Variants in PPWD1 observed in about 807,000 individuals in gnomAD.
PPWD1 encodes peptidylprolyl isomerase domain and WD repeat-containing protein 1.
PPWD1 carries 43 observed loss-of-function variants against 68.8 expected under a neutral mutation model. That is an observed-to-expected ratio of 0.62 (90% confidence interval 0.49 to 0.81). The LOEUF (loss-of-function observed/expected upper bound fraction) is 0.81, where lower values mean the gene tolerates loss of function less well. Among genes scored for constraint, PPWD1 ranks in the 30% least tolerant of loss-of-function variants. PPWD1 has a pLI of 0.00. For missense variants in PPWD1, 672 were observed against 804.8 expected, an observed-to-expected ratio of 0.83 and a Z score of 2.00; for synonymous variants, 232 against 258.7, an observed-to-expected ratio of 0.90 and a Z score of 0.99.
intron 7 of PPWD1, chr5:65,582,768 T>C (rs1753651339): frequency 8.1e-6 from 2 of 247,182 alleles, no homozygotes; most frequent in Admixed American, 5.4e-5. Flanking sequence ...TCTTGTTAAA[T>C]GTTTGCCCAA....
rs765938137 is a variant in PPWD1, at chr5:65,587,387, T to C, written c.1932T>C (p.Thr644=). 6 of 1,604,384 alleles carry C rather than the reference T, an allele frequency of 3.7e-6. No homozygotes were observed. The highest frequency in any genetic ancestry group is 4.3e-6 in the Non-Finnish European group (5 of 1,174,362). ...AGGATGTCAGCATCATAAATATTAC[T>C]GTCAAGTAAAATAAGATTTGTTTTA... ...PYEDVSIINI[T]VK The change falls in exon 11 of 11, where the codon ACT becomes ACC. Residue 644 remains threonine (T), a synonymous_variant. Transcript: ENST00000261308.
At position 65,574,877 on chromosome 5, in the gene PPWD1, G is replaced by A. The variant is rs372699520; in HGVS notation, c.970-2002G>A. ...CTGAGGTGACAAGAAGTCAGTAGTA[G>A]AACTTAAGACAGAAGTGGAGATTCA... On this transcript the variant is annotated intron_variant, in intron 5 of 10. Transcript: ENST00000261308. Among the ~76,000 whole-genome samples the A allele has an allele frequency of 1.9e-3, 291 of 152,356 alleles. 2 individuals carry two copies. The highest frequency in any genetic ancestry group is 6.7e-3 in the African/African-American group (280 of 41,586).
At chr5:65,586,320 C>T in intron 10 of PPWD1, 139 bp downstream of exon 10, 1 of 888,416 alleles carries the variant, frequency 1.1e-6, no homozygotes, top group South Asian at 2.7e-5. Flanking sequence ...TGAAAATGAT[C>T]AAGAATATAA....
intron 9 of PPWD1, 104 bp downstream of exon 9, chr5:65,585,199 G>A (rs1753782046): frequency 8.5e-7 from 1 of 1,172,018 alleles, no homozygotes; most frequent in South Asian, 1.5e-5. Flanking sequence ...TCAGTTTAGT[G>A]GAAAGGAACA....
intron 5 of PPWD1, among the ~76,000 whole-genome samples, chr5:65,574,214 A>G (rs1192305584): frequency 1.3e-5 from 2 of 152,026 alleles, no homozygotes; most frequent in Admixed American, 1.3e-4. Flanking sequence ...GACAAATGTG[A>G]AGATCTGTTT....
chr5:65,567,130 A>G (rs921482601), intron 1 of PPWD1, among the ~76,000 whole-genome samples: 1 of 152,104 alleles, frequency 6.6e-6, no homozygotes, highest in East Asian at 1.9e-4. Flanking sequence ...TATGTCTACA[A>G]TGTTAGGAAG....
chr5:65,571,813 T>C (rs779791621), intron 4 of PPWD1, 26 bp from the exon 5 acceptor site: 16 of 1,597,914 alleles, frequency 1.0e-5, no homozygotes, highest in East Asian at 2.2e-5. Context: ...CCTTTTTTTT[T>C]CCCTCTCAAT....
intron 5 of PPWD1, among the ~76,000 whole-genome samples, chr5:65,572,896 C>T: frequency 6.6e-6 from 1 of 152,202 alleles, no homozygotes; most frequent in East Asian, 1.9e-4. Flanking sequence ...TGGCCTACTA[C>T]CTGTATTTAT....
chr5:65,576,430 G>T, intron 5 of PPWD1: 3 of 811,346 alleles, frequency 3.7e-6, no homozygotes, highest in Non-Finnish European at 4.4e-6. Context: ...AGGCCAGAGT[G>T]CAGTGGCGCA....
chr5:65,573,536 TTTTTTTTTTTTTTTTTTA>T lies in PPWD1; in HGVS notation c.969+1251_969+1268del, dbSNP rs1299682658. 6.5e-4 allele frequency among the ~76,000 whole-genome samples: 30 copies of T among 45,926 alleles called. 3 individuals are homozygous for T. The highest frequency in any genetic ancestry group is 2.5e-3 in the South Asian group (3 of 1,216). 30.1% of individuals were successfully genotyped at this position (45,926 alleles called of 152,430 possible). On this transcript the variant is annotated intron_variant, in intron 5 of 10. Transcript: ENST00000261308. ...AGATGGTTTTTTTTTTTTTTTTTTT[TTTTTTTTTTTTTTTTTTA>T]AGTACAGACGGGTTTCACCGTGTTA...
chr5:65,583,414 CT>C (rs777944056), intron 8 of PPWD1, 195 bp downstream of exon 8: 128 of 458,146 alleles, frequency 2.8e-4, no homozygotes, highest in South Asian at 5.0e-4. Context: ...TGCATATATA[CT>C]TTATAGGTTC....
intron 8 of PPWD1, 137 bp from the exon 9 acceptor site, chr5:65,584,877 T>TTAA: frequency 1.4e-6 from 1 of 714,268 alleles, no homozygotes; most frequent in Non-Finnish European, 2.0e-6. Flanking sequence ...TTAGAGATTA[T>TTAA]GAAAAAAAAA....
intron 2 of PPWD1, among the ~76,000 whole-genome samples, chr5:65,568,471 T>C (rs146649254): frequency 6.6e-6 from 1 of 152,272 alleles, no homozygotes; most frequent in Non-Finnish European, 1.5e-5. Flanking sequence ...CCTAGAAGAC[T>C]TTTTATTTCT....
chr5:65,572,376 G>C, intron 5 of PPWD1, 90 bp downstream of exon 5: 1 of 1,286,082 alleles, frequency 7.8e-7, no homozygotes, highest in Admixed American at 2.8e-5. Context: ...TCTACAGATA[G>C]ACATTTAGAT....
At chr5:65,582,999 CT>C (rs1753662227) in intron 7 of PPWD1, 38 bp from the exon 8 acceptor site, 1 of 1,463,734 alleles carries the variant, frequency 6.8e-7, no homozygotes, top group African/African-American at 1.4e-5. Flanking sequence ...CAGATGAAAA[CT>C]TTAATTCGTT....
chr5:65,573,720 G>C (rs1261652443), intron 5 of PPWD1, among the ~76,000 whole-genome samples: 1 of 150,756 alleles, frequency 6.6e-6, no homozygotes, highest in Non-Finnish European at 1.5e-5. Context: ...TTCTTTTAGA[G>C]CATTTGATAT....
At position 65,583,152 on chromosome 5, in the gene PPWD1, C is replaced by T. The variant is rs1203891120; in HGVS notation, c.1465C>T (p.Arg489Ter). The change falls in exon 8 of 11, where the codon CGA becomes TGA. Residue 489 changes from arginine (R) to a stop codon, truncating the protein, a stop_gained. Transcript: ENST00000261308. LOFTEE classifies it high-confidence loss of function. Reference protein sequence around the residue: ...MAATQAEGPKRVSDSAIIHTS... With the variant: ...MAATQAEGPK ...AGCTACTCAAGCTGAAGGACCTAAA[C>T]GAGTTTCGGACAGTGCCATTATCCA... 1.9e-6 allele frequency: 3 copies of T among 1,613,330 alleles called. No homozygotes were observed. The highest frequency in any genetic ancestry group is 1.3e-5 in the African/African-American group (1 of 74,870).
chr5:65,585,398 G>A (rs765233175), intron 9 of PPWD1, among the ~76,000 whole-genome samples: 7 of 152,150 alleles, frequency 4.6e-5, no homozygotes, highest in South Asian at 2.1e-4. Context: ...CCTCTTTGTC[G>A]TGGCTAGATA....
At chr5:65,570,064 T>C in intron 4 of PPWD1, 66 bp downstream of exon 4, 2 of 1,409,250 alleles carry the variant, frequency 1.4e-6, no homozygotes, top group South Asian at 2.6e-5. Flanking sequence ...GACTTTACCA[T>C]TTAATAGGTT....
Sources: allele counts gnomAD v4.1 joint callset (sites outside exome capture counted in the v4.1 genomes callset), GRCh38; gene constraint gnomAD v4.1.1; transcripts MANE v1.5; gene names NCBI Gene and HGNC (gene_info 2026-07-23, HGNC 2026-07-21).